CCND2: variants seen among roughly 807,000 people sequenced by gnomAD.
CCND2 encodes G1/S-specific cyclin-D2.
CCND2 carries 6 observed loss-of-function variants against 30.2 expected under a neutral mutation model. That is an observed-to-expected ratio of 0.20 (90% confidence interval 0.11 to 0.39). The LOEUF is 0.39. CCND2 is among the 10% of genes least tolerant of loss of function. The pLI is 1.00. For missense variants in CCND2, 235 were observed against 373.4 expected (o/e 0.63, Z 3.06); for synonymous variants, 150 against 153.1 (o/e 0.98, Z 0.15).
At chr12:4,286,725 A>G (rs1427375090) in intron 3 of CCND2, among the ~76,000 whole-genome samples, 1 of 152,244 alleles carries the variant, frequency 6.6e-6, no homozygotes, top group African/African-American at 2.4e-5. Context: ...CAACCGGTGC[A>G]CCTGTTCCCC....
In CCND2 at chr12:4,284,764, T is replaced by A. The variant is rs1193623633; in HGVS notation, c.572-4078T>A. On this transcript the variant is annotated intron_variant, in intron 3 of 4. Transcript: ENST00000261254. ...TTTTTCTTTTTTTTTTTTGAGACAG[T>A]CTTGCTCTGTCACCCAGGCTGGAGT... Among the ~76,000 whole-genome samples the A allele has an allele frequency of 2.1e-5, 3 of 143,090 alleles. No individual in the cohort carries two copies. In the East Asian group the frequency reaches 6.2e-4, roughly 30 times the overall value. The allele number at this position is 143,090 out of a possible 152,430, so 93.9% of individuals were successfully genotyped here. A position where few individuals can be genotyped will look rare whatever the true frequency, so the allele number is the denominator to read the frequency against.
At chr12:4,277,597 A>G (rs1863891958) in intron 2 of CCND2, among the ~76,000 whole-genome samples, 1 of 152,242 alleles carries the variant, frequency 6.6e-6, no homozygotes, top group African/African-American at 2.4e-5. Flanking sequence ...TATTGCTACA[A>G]ACAAACTTGG....
intron 4 of CCND2, among the ~76,000 whole-genome samples, chr12:4,297,586 A>ACC (rs1199273024): frequency 7.3e-6 from 1 of 136,310 alleles, no homozygotes. Context: ...AAAAAAAAAA[A>ACC]AAAAAAAAAA....
rs1864038298 is a variant in CCND2 at position 4,287,339 on chromosome 12, A to C, written c.572-1503A>C. The stretch of plus-strand genomic sequence containing the variant: ...GACCATTAAAAGAGCTGCTGTAGAA[A>C]GTGTGTTTGTAATAGAGTGTGTACA... On this transcript the variant is annotated intron_variant, in intron 3 of 4. Coordinates refer to ENST00000261254, the MANE Select transcript of CCND2 (RefSeq NM_001759.4). This position sits in a 1 kb window ranked among gnomAD's most constrained non-coding sequence, Gnocchi z 4.0. Among the ~76,000 whole-genome samples the C allele has an allele frequency of 6.6e-6, 1 of 152,176 alleles. No homozygotes were observed. The highest frequency in any genetic ancestry group is 2.1e-4 in the South Asian group (1 of 4,836).
rs373748507 is a variant in CCND2, at chr12:4,286,480, G to A, written c.572-2362G>A. Among the ~76,000 whole-genome samples the A allele has an allele frequency of 3.3e-5, 5 of 152,138 alleles. No individual in the cohort carries two copies. In the South Asian group the frequency reaches 6.2e-4, roughly 19 times the overall value. ...CTCAGGGATCCCGAGGAAGATGCTCGTCTTCTGTGTAGCGGGCAACAGAGG... is the reference window on the plus strand; with the variant it reads ...CTCAGGGATCCCGAGGAAGATGCTCATCTTCTGTGTAGCGGGCAACAGAGG... On this transcript the variant is annotated intron_variant, in intron 3 of 4. Transcript: ENST00000261254.
rs949430359 is a variant in CCND2, at chr12:4,285,111, A to C, written c.572-3731A>C. On this transcript the variant is annotated intron_variant, in intron 3 of 4. Coordinates refer to ENST00000261254, the MANE Select transcript of CCND2 (RefSeq NM_001759.4). This position sits in a 1 kb window ranked among gnomAD's most constrained non-coding sequence, Gnocchi z 4.1. ...AGTACAGACCTAGCCATTATAGCAC[A>C]CCATCCTCTACTATCTAATGCATTG... 1.3e-5 allele frequency among the ~76,000 whole-genome samples: 2 copies of C among 152,290 alleles called. No homozygotes were observed. The highest frequency in any genetic ancestry group is 3.4e-3 in the Middle Eastern group (1 of 294).
intron 3 of CCND2, among the ~76,000 whole-genome samples, chr12:4,279,215 A>T (rs1390868477): frequency 6.6e-6 from 1 of 152,206 alleles, no homozygotes; most frequent in Non-Finnish European, 1.5e-5. Context: ...CTCTTTGAAG[A>T]TTACATATAC....
At position 4,294,036 on chromosome 12, in the gene CCND2, G is replaced by A. The variant is rs376397728; in HGVS notation, c.720+5046G>A. 4.6e-4 allele frequency among the ~76,000 whole-genome samples: 70 copies of A among 152,284 alleles called. 1 individual carries two copies. The South Asian group carries it at 0.014, about 31-fold the overall frequency. On this transcript the variant is annotated intron_variant, in intron 4 of 4. Coordinates refer to ENST00000261254, the MANE Select transcript of CCND2 (RefSeq NM_001759.4). Reference sequence around the variant, plus strand: ...TAAGTTGTCTCTGCCTGAGTTGGCCGCGGGTCTGGGGCTCATTCAGCCCTT... The same window carrying A: ...TAAGTTGTCTCTGCCTGAGTTGGCCACGGGTCTGGGGCTCATTCAGCCCTT...
chr12:4,288,956 C>A lies in CCND2; in HGVS notation c.686C>A (p.Thr229Asn). Residue 229 changes from threonine to asparagine, a missense_variant, in exon 4 of 5, where the codon ACT becomes AAT. Physicochemically the swap from Thr to Asn is moderately conservative, Grantham distance 65 (BLOSUM62 0). Around this residue, in one of 2 missense-constraint regions of CCND2, gnomAD observed 178 missense variants for 322.8 expected, o/e 0.55. Coordinates refer to ENST00000261254, the MANE Select transcript of CCND2 (RefSeq NM_001759.4). ...AGCTCGCTCACTTGTGATGCCCTGA[C>A]TGAGCTGCTGGCTAAGATCACCAAC... Reference protein sequence around the residue: ...EVSSLTCDALTELLAKITNTD... With the variant: ...EVSSLTCDALNELLAKITNTD... The A allele has an allele frequency of 6.2e-7, 1 of 1,613,646 alleles. No individual in the cohort carries two copies. Among genetic ancestry groups the A allele is most frequent in the East Asian group, 2.2e-5 (1 of 44,804 alleles).
chr12:4,293,458 C>T lies in CCND2; in HGVS notation c.720+4468C>T, dbSNP rs1028759211. 1.3e-4 allele frequency among the ~76,000 whole-genome samples: 20 copies of T among 152,324 alleles called. No homozygotes were observed. The highest frequency in any genetic ancestry group is 2.2e-4 in the Non-Finnish European group (15 of 68,042). On this transcript the variant is annotated intron_variant, in intron 4 of 4. Coordinates refer to ENST00000261254, the MANE Select transcript of CCND2 (RefSeq NM_001759.4). This position sits in a 1 kb window ranked among gnomAD's most constrained non-coding sequence, Gnocchi z 4.9. Reference sequence around the variant, plus strand: ...CAGGGGATCCATGTGCGGTTTGTTACGTGGATATATCGTGTGATGCTGAGG... The same window carrying T: ...CAGGGGATCCATGTGCGGTTTGTTATGTGGATATATCGTGTGATGCTGAGG...
intron 4 of CCND2, chr12:4,297,674 T>C (rs1864193140): frequency 5.1e-6 from 1 of 195,544 alleles, no homozygotes; most frequent in South Asian, 8.0e-5. Flanking sequence ...TGCTGCCACA[T>C]GGTCCTTGAG....
chr12:4,276,740 A>G lies in CCND2; in HGVS notation c.411+520A>G, dbSNP rs553268615. On this transcript the variant is annotated intron_variant, in intron 2 of 4. Coordinates refer to ENST00000261254, the MANE Select transcript of CCND2 (RefSeq NM_001759.4). The surrounding 1 kb of genome is among the most constrained non-coding windows in gnomAD (Gnocchi z 4.8). ...GTTCATTGACTTTTGAGCAAAGTCA[A>G]AATGTGGCCTTTCACTGAAGGAGTC... 1.6e-4 allele frequency among the ~76,000 whole-genome samples: 25 copies of G among 152,196 alleles called. No individual in the cohort carries two copies. The highest frequency in any genetic ancestry group is 6.0e-4 in the African/African-American group (25 of 41,432).
At position 4,276,323 on chromosome 12, in the gene CCND2, A is replaced by T; in HGVS notation, c.411+103A>T. The T allele has an allele frequency of 1.1e-6, 1 of 905,434 alleles. No individual in the cohort carries two copies. Among genetic ancestry groups the T allele is most frequent in the Non-Finnish European group, 1.7e-6 (1 of 587,992 alleles). The allele number at this position is 905,434 out of a possible 1,614,324, so 56.1% of individuals were successfully genotyped here. On this transcript the variant is annotated intron_variant, in intron 2 of 4. Transcript: ENST00000261254. The surrounding 1 kb of genome is among the most constrained non-coding windows in gnomAD (Gnocchi z 4.8). ...CTGCCAGAGCAAATTCTTGGGATCC[A>T]GAATGACCCCACCAATAGAATTTAC...
In CCND2 at chr12:4,300,259, G is replaced by C. The variant is rs1040743552; in HGVS notation, c.*250G>C. ...TTGTATATGCGAACAGTTATTGTTT[G>C]ATTATGTAAAAGTAATAGTAAAATG... On this transcript the variant is annotated 3_prime_UTR_variant, in exon 5 of 5. Coordinates refer to ENST00000261254, the MANE Select transcript of CCND2 (RefSeq NM_001759.4). 1.5e-5 allele frequency: 6 copies of C among 400,940 alleles called. No individual in the cohort carries two copies. The highest frequency in any genetic ancestry group is 1.2e-4 in the African/African-American group (6 of 50,418). 24.8% of individuals were successfully genotyped at this position (400,940 alleles called of 1,614,324 possible). A position where few individuals can be genotyped will look rare whatever the true frequency, so the allele number is the denominator to read the frequency against.
Position 4,303,023 on chromosome 12 carries a change from A to C in CCND2, c.*3014A>C. On this transcript the variant is annotated 3_prime_UTR_variant, in exon 5 of 5. Transcript: ENST00000261254. The surrounding 1 kb of genome is among the most constrained non-coding windows in gnomAD (Gnocchi z 4.6). ...ACCCTGGAGTTCTTGGGAATCTTGG[A>C]GCCTAAAGAGAAACCGAGGTGCAAA... 4.3e-6 allele frequency: 1 copy of C among 233,314 alleles called. No homozygotes were observed. Among genetic ancestry groups the C allele is most frequent in the Non-Finnish European group, 8.5e-6 (1 of 118,064 alleles). The allele number at this position is 233,314 out of a possible 1,614,324, so 14.5% of individuals were successfully genotyped here.
intron 4 of CCND2, among the ~76,000 whole-genome samples, chr12:4,290,833 G>A (rs956693343): frequency 3.3e-5 from 5 of 152,278 alleles, no homozygotes; most frequent in African/African-American, 9.6e-5. Context: ...CTGATACTAC[G>A]TAGCCAGTCC....
chr12:4,283,799 G>C (rs1481287181), intron 3 of CCND2, among the ~76,000 whole-genome samples: 1 of 152,212 alleles, frequency 6.6e-6, no homozygotes, highest in African/African-American at 2.4e-5. Context: ...GCATCTCAAT[G>C]AATTGTGGAA....
At chr12:4,294,057 C>T (rs563276119) in intron 4 of CCND2, among the ~76,000 whole-genome samples, 3 of 152,288 alleles carry the variant, frequency 2.0e-5, no homozygotes, top group African/African-American at 7.2e-5. Flanking sequence ...GCTCATTCAG[C>T]CCTTTGTCCC....
Position 4,274,361 on chromosome 12 carries a change from A to G in CCND2, c.195+126A>G, listed in dbSNP as rs942989120. ...CCTCCCGGCTCCTGTGCGGGAGTTT[A>G]CCGCGCGCCTTCTGGCGAGACGCGT... On this transcript the variant is annotated intron_variant, in intron 1 of 4. Coordinates refer to ENST00000261254, the MANE Select transcript of CCND2 (RefSeq NM_001759.4). This position sits in a 1 kb window ranked among gnomAD's most constrained non-coding sequence, Gnocchi z 7.7. 11 of 982,002 alleles carry G rather than the reference A, an allele frequency of 1.1e-5. No individual in the cohort carries two copies. The highest frequency in any genetic ancestry group is 6.6e-4 in the Middle Eastern group (2 of 3,030). The allele number at this position is 982,002 out of a possible 1,614,324, so 60.8% of individuals were successfully genotyped here. A position where few individuals can be genotyped will look rare whatever the true frequency, so the allele number is the denominator to read the frequency against.
Sources: gnomAD v4.1 joint callset for allele counts (sites outside exome capture counted in the v4.1 genomes callset) on GRCh38, gnomAD v4.1.1 for gene constraint, gnomAD v4.1.1 regional missense constraint, Gnocchi (gnomAD v3.1) non-coding constraint, MANE v1.5 for transcripts, NCBI Gene and HGNC (gene_info 2026-07-23, HGNC 2026-07-21) for gene names.